Variants in CALHM4 observed in about 807,000 individuals in gnomAD.
The protein encoded by CALHM4 is calcium homeostasis modulator protein 4.
CALHM4 carries 16 observed loss-of-function variants against 13.3 expected under a neutral mutation model. The observed-to-expected ratio is 1.20, with a 90% CI of 0.81 to 1.82. The LOEUF is 1.82. Among genes scored for constraint, CALHM4 ranks in the 40% most tolerant of loss-of-function variants. The pLI, the probability that CALHM4 is intolerant of heterozygous loss-of-function variation, is 0.00. For missense variants in CALHM4, 344 were observed against 374.9 expected (o/e 0.92, Z 0.68); for synonymous variants, 127 against 137.1 (o/e 0.93, Z 0.52).
chr6:116,549,554 G>A (rs1162521167), upstream of CALHM4, among the ~76,000 whole-genome samples: 1 of 151,870 alleles, frequency 6.6e-6, no homozygotes, highest in Non-Finnish European at 1.5e-5. Flanking sequence ...GTTTTGAAAT[G>A]TAAATACATT....
chr6:116,532,363 G>A (rs569849216), intron 1 of CALHM4, among the ~76,000 whole-genome samples: 8 of 152,282 alleles, frequency 5.3e-5, no homozygotes, highest in Non-Finnish European at 1.0e-4. Context: ...TTGCCTCCCT[G>A]AGAGAGGGAA....
At chr6:116,540,262 G>C in intron 1 of CALHM4, 1 of 1,061,702 alleles carries the variant, frequency 9.4e-7, no homozygotes, top group South Asian at 1.6e-5. Flanking sequence ...ACCTAACAAT[G>C]AATGCAGATG....
intron 2 of CALHM4, among the ~76,000 whole-genome samples, chr6:116,544,249 A>G (rs1773639528): frequency 6.6e-6 from 1 of 152,056 alleles, no homozygotes; most frequent in African/African-American, 2.4e-5. Flanking sequence ...AGAAAAAATC[A>G]TACCCTACCT....
At position 116,560,134 on chromosome 6, in the gene CALHM4, G is replaced by T. The variant is rs532394272; in HGVS notation, c.*1923G>T. On this transcript the variant is annotated 3_prime_UTR_variant, in exon 2 of 2. Coordinates refer to ENST00000368596, the MANE Select transcript of CALHM4 (RefSeq NM_001366078.2). ...TGTCACATCCATTTTGTTCCCTAAG[G>T]TCTGCTCCAGTTCTAAAATTCTGTT... is the stretch of plus-strand genomic sequence containing the variant. Among the ~76,000 whole-genome samples, 138 of 152,174 alleles carry T rather than the reference G, an allele frequency of 9.1e-4. No individual in the cohort carries two copies. Among genetic ancestry groups the T allele is most frequent in the Non-Finnish European group, 1.5e-3 (101 of 67,998 alleles).
chr6:116,533,650 C>G (rs1175987826), intron 1 of CALHM4, among the ~76,000 whole-genome samples: 1 of 152,252 alleles, frequency 6.6e-6, no homozygotes, highest in Non-Finnish European at 1.5e-5. Flanking sequence ...AGCTTAAAAC[C>G]TGCTGTTCAA....
upstream of CALHM4, among the ~76,000 whole-genome samples, chr6:116,549,057 G>A (rs1254474679): frequency 2.0e-5 from 3 of 152,168 alleles, no homozygotes; most frequent in Non-Finnish European, 4.4e-5. Flanking sequence ...GACCGAGGTC[G>A]GTGGATCACC....
At chr6:116,543,249 C>G (rs532815988) in intron 1 of CALHM4, 1 of 1,322,032 alleles carries the variant, frequency 7.6e-7, no homozygotes, top group East Asian at 2.6e-5. Flanking sequence ...AGAAAGAATG[C>G]AGGTGATGTA....
In CALHM4 at chr6:116,536,627, T is replaced by G. The variant is rs550943265; in HGVS notation, c.-108-7138T>G. ...TTCAAATGCATTCCTTCTCTCTCTT[T>G]CCTTCCCTGGAGACAGGACAGAGAT... is the stretch of plus-strand genomic sequence containing the variant. On this transcript the variant is annotated intron_variant, in intron 1 of 2. Coordinates refer to the CALHM4 transcript ENST00000368597. 2.2e-4 allele frequency among the ~76,000 whole-genome samples: 34 copies of G among 152,310 alleles called. No individual in the cohort carries two copies. The South Asian group carries it at 3.5e-3, about 16-fold the overall frequency.
chr6:116,552,550 C>T (rs947642427), upstream of CALHM4, among the ~76,000 whole-genome samples: 3 of 152,044 alleles, frequency 2.0e-5, no homozygotes, highest in Admixed American at 2.0e-4. Context: ...GTCTGTACTG[C>T]ATTTTGGGTG....
At chr6:116,546,264 CTTTT>C (rs1773773472) in intron 2 of CALHM4, among the ~76,000 whole-genome samples, 1 of 152,078 alleles carries the variant, frequency 6.6e-6, no homozygotes, top group Admixed American at 6.6e-5. Flanking sequence ...CCTTAGCTTT[CTTTT>C]GAGAGCTCCT....
At position 116,553,788 on chromosome 6, in the gene CALHM4, C is replaced by T. The variant is rs1446267080; in HGVS notation, c.-6C>T. 2.6e-6 allele frequency: 4 copies of T among 1,546,954 alleles called. No homozygotes were observed. Among genetic ancestry groups the T allele is most frequent in the East Asian group, 2.4e-5 (1 of 40,874 alleles). ...CACAAGCTGATTTGTGTAACAGCTT[C>T]CCAAGATGTGCCCAACTCTCAACAA... On this transcript the variant is annotated 5_prime_UTR_variant, in exon 1 of 2. Coordinates refer to ENST00000368596, the MANE Select transcript of CALHM4 (RefSeq NM_001366078.2).
chr6:116,554,745 A>G (rs1458288387), intron 1 of CALHM4, among the ~76,000 whole-genome samples: 3 of 152,058 alleles, frequency 2.0e-5, no homozygotes, highest in Admixed American at 6.6e-5. Flanking sequence ...AGTAAATCCC[A>G]TTTTCTGTAT....
chr6:116,554,400 A>G, intron 1 of CALHM4, 49 bp downstream of exon 1: 2 of 1,384,952 alleles, frequency 1.4e-6, no homozygotes, highest in South Asian at 1.5e-5. Context: ...CTATAGAACT[A>G]CAGTCAATGG....
At chr6:116,532,126 T>C (rs1370365718) in intron 1 of CALHM4, among the ~76,000 whole-genome samples, 3 of 152,288 alleles carry the variant, frequency 2.0e-5, no homozygotes, top group African/African-American at 4.8e-5. Context: ...CTTCTGCATG[T>C]AGTGTTAGTA....
chr6:116,558,098 C>T lies in CALHM4; in HGVS notation c.832C>T (p.Pro278Ser), dbSNP rs1277567101. 1 of 1,614,102 alleles carries T rather than the reference C, an allele frequency of 6.2e-7. No homozygotes were observed. Among genetic ancestry groups the T allele is most frequent in the Admixed American group, 1.7e-5 (1 of 60,022 alleles). ...TCAGGACTGGAAAGATATTTCAGTACCCACTCTTTTATGCATGGGTGATGA... is the reference window on the plus strand; with the variant it reads ...TCAGGACTGGAAAGATATTTCAGTATCCACTCTTTTATGCATGGGTGATGA... ...SCQDWKDISVPTLLCMGDDLQ... is the reference protein window; with the variant it reads ...SCQDWKDISVSTLLCMGDDLQ... Residue 278 changes from proline to serine, a missense_variant, in exon 2 of 2, where the codon CCC becomes TCC. Physicochemically the swap from Pro to Ser is moderately conservative, Grantham distance 74. Coordinates refer to ENST00000368596, the MANE Select transcript of CALHM4 (RefSeq NM_001366078.2).
chr6:116,540,808 G>C (rs1773403354), intron 1 of CALHM4, among the ~76,000 whole-genome samples: 1 of 152,152 alleles, frequency 6.6e-6, no homozygotes, highest in Admixed American at 6.6e-5. Flanking sequence ...ATTAGCTATT[G>C]ATGGAAATCA....
At chr6:116,535,679 T>C (rs143809408) in intron 1 of CALHM4, among the ~76,000 whole-genome samples, 1 of 152,344 alleles carries the variant, frequency 6.6e-6, no homozygotes, top group African/African-American at 2.4e-5. Context: ...ATCTAATATT[T>C]CATTATTACA....
In CALHM4 at chr6:116,554,261, C is replaced by A. The variant is rs991842505; in HGVS notation, c.468C>A (p.Ile156=). 6.4e-7 allele frequency: 1 copy of A among 1,550,610 alleles called. No individual in the cohort carries two copies. The highest frequency in any genetic ancestry group is 2.0e-5 in the Admixed American group (1 of 51,008). Residue 156 remains isoleucine, a synonymous_variant, in exon 1 of 2, where the codon ATC becomes ATA. Transcript: ENST00000368596. The part of the protein sequence containing the change: ...DNVSASKREE[I]LAGFPCCRSA... ...TCAGTGCCAGCAAACGAGAAGAGAT[C>A]CTGGCTGGGTTTCCATGTTGCAGAT...
At chr6:116,541,681 A>G (rs1484353067) in intron 1 of CALHM4, among the ~76,000 whole-genome samples, 3 of 152,220 alleles carry the variant, frequency 2.0e-5, no homozygotes, top group Non-Finnish European at 4.4e-5. Flanking sequence ...ACTTTTAACA[A>G]TCAAAATGTC....
Sources: gnomAD v4.1 joint callset for allele counts (sites outside exome capture counted in the v4.1 genomes callset) on GRCh38, gnomAD v4.1.1 for gene constraint, MANE v1.5 for transcripts, NCBI Gene and HGNC (gene_info 2026-07-23, HGNC 2026-07-21) for gene names.